The following FSIP2 variants were observed in gnomAD, a reference collection of about 807,000 sequenced individuals.
The protein encoded by FSIP2 is fibrous sheath-interacting protein 2.
FSIP2 carries 367 observed loss-of-function variants against 510.5 expected under a neutral mutation model. The ratio of observed to expected loss-of-function variants is 0.72; its 90% CI spans 0.66 to 0.78. FSIP2 has a LOEUF of 0.78. Ranked by LOEUF, FSIP2 falls within the 30% of genes least tolerant of loss-of-function variation. The pLI, the probability that FSIP2 is intolerant of heterozygous loss-of-function variation, is 0.00. For synonymous variants in FSIP2, 2,601 were observed against 2,732.2 expected, an observed-to-expected ratio of 0.95 and a Z score of 1.50; for missense variants, 7,594 against 7,901.7, an observed-to-expected ratio of 0.96 and a Z score of 1.48.
At chr2:185,752,331 T>C (rs561730536) in intron 7 of FSIP2, among the ~76,000 whole-genome samples, 1 of 151,226 alleles carries the variant, frequency 6.6e-6, no homozygotes, top group Non-Finnish European at 1.5e-5. Context: ...TGTAACATGA[T>C]TTGTTTTTCT....
At chr2:185,764,112 A>T (rs766394) in intron 12 of FSIP2, among the ~76,000 whole-genome samples, 250 of 151,780 alleles carry the variant, frequency 1.6e-3, no homozygotes, top group African/African-American at 5.7e-3. Flanking sequence ...CTTTAAAAAC[A>T]GTGTCTAAAT....
Position 185,789,174 on chromosome 2 carries a change from G to A in FSIP2, c.2038G>A (p.Ala680Thr). 1 of 1,534,670 alleles carries A rather than the reference G, an allele frequency of 6.5e-7. No homozygotes were observed. ...LGSSLHCDKT[A>T]KAMDEMKNLK... is the part of the protein sequence containing the mutation. ...GAGTTCATTGCATTGTGATAAAACA[G>A]CAAAAGCCATGGATGAAATGAAGAA... Residue 680 changes from alanine to threonine, a missense_variant, in exon 16 of 23, where the codon GCA becomes ACA. Physicochemically the swap from Ala to Thr is moderately conservative, Grantham distance 58 (BLOSUM62 0). Transcript: ENST00000424728.
In FSIP2 at chr2:185,808,976, A is replaced by T; in HGVS notation, c.19670A>T (p.Glu6557Val). ...CAACCTCTTGAGAAACTTAAGCAGGAGTGTTTGAAAAGAACTGGACATAGC... is the reference window on the plus strand; with the variant it reads ...CAACCTCTTGAGAAACTTAAGCAGGTGTGTTTGAAAAGAACTGGACATAGC... ...KTQPLEKLKQ[E>V]CLKRTGHSIA... is the part of the protein sequence containing the mutation. The change falls in exon 17 of 23, where the codon GAG becomes GTG. Residue 6557 changes from glutamate (E) to valine (V), a missense_variant. Transcript: ENST00000424728. 2 of 1,612,016 alleles carry T rather than the reference A, an allele frequency of 1.2e-6. No homozygotes were observed. Among genetic ancestry groups the T allele is most frequent in the Non-Finnish European group, 1.7e-6 (2 of 1,179,292 alleles).
rs1385266130 is a variant in FSIP2 at position 185,806,313 on chromosome 2, A to C, written c.17007A>C (p.Glu5669Asp). ...DSPTQTCRDE[E>D]HHSDYEHVQN... ...CAACACAAACGTGTAGGGATGAGGAACACCACTCAGATTATGAACATGTTC... is the reference window on the plus strand; with the variant it reads ...CAACACAAACGTGTAGGGATGAGGACCACCACTCAGATTATGAACATGTTC... The change falls in exon 17 of 23, where the codon GAA becomes GAC. Residue 5669 changes from glutamate to aspartate, a missense_variant. Physicochemically the swap from Glu to Asp is conservative, Grantham distance 45. Transcript: ENST00000424728. 1.9e-6 allele frequency: 3 copies of C among 1,608,648 alleles called. No individual in the cohort carries two copies. The highest frequency in any genetic ancestry group is 2.2e-5 in the East Asian group (1 of 44,670).
At chr2:185,828,036 C>T (rs1178641744) in intron 20 of FSIP2, 120 bp from the exon 21 acceptor site, 12 of 597,466 alleles carry the variant, frequency 2.0e-5, no homozygotes, top group Admixed American at 1.9e-4. Context: ...ACAACTTCTT[C>T]GACCTGCCTA....
Position 185,791,870 on chromosome 2 carries a change from A to C in FSIP2, c.4734A>C (p.Leu1578=), listed in dbSNP as rs1676847974. 1 of 1,533,946 alleles carries C rather than the reference A, an allele frequency of 6.5e-7. No homozygotes were observed. Among genetic ancestry groups the C allele is most frequent in the South Asian group, 1.2e-5 (1 of 83,922 alleles). ...PSTKEMHPNK[L]KAVASDILNM... ...CAAAAGAAATGCATCCAAATAAACT[A>C]AAAGCTGTAGCTTCAGATATTCTTA... The change falls in exon 16 of 23, where the codon CTA becomes CTC. Residue 1578 remains leucine, a synonymous_variant. Transcript: ENST00000424728.
intron 13 of FSIP2, among the ~76,000 whole-genome samples, chr2:185,780,451 T>C (rs928429587): frequency 2.6e-5 from 4 of 151,744 alleles, no homozygotes; most frequent in Admixed American, 1.3e-4. Context: ...CATAAATTAA[T>C]TGCTTTGTAA....
rs750750685 is a variant in FSIP2, at chr2:185,809,095, T to C, written c.19789T>C (p.Leu6597=). The stretch of plus-strand genomic sequence containing the variant: ...GAGAAAGACAGAAAGACGTACCTCA[T>C]TGGATAAGACTGGAAGACTGGATGT... ...EKRKTERRTS[L]DKTGRLDVKP... is the part of the protein sequence containing the mutation. The change falls in exon 17 of 23, where the codon TTG becomes CTG. Residue 6597 remains leucine, a synonymous_variant. Coordinates refer to ENST00000424728, the MANE Select transcript of FSIP2 (RefSeq NM_173651.4). 1.4e-5 allele frequency: 23 copies of C among 1,594,704 alleles called. No homozygotes were observed. Among genetic ancestry groups the C allele is most frequent in the East Asian group, 2.2e-5 (1 of 44,626 alleles).
intron 7 of FSIP2, among the ~76,000 whole-genome samples, chr2:185,747,966 G>A (rs1559009993): frequency 1.3e-5 from 2 of 151,354 alleles, no homozygotes; most frequent in Non-Finnish European, 3.0e-5. Context: ...TCTGTAGGCT[G>A]TTTTTTTCAT....
intron 19 of FSIP2, among the ~76,000 whole-genome samples, chr2:185,820,857 C>A (rs967276539): frequency 6.6e-6 from 1 of 150,802 alleles, no homozygotes. Flanking sequence ...TAAGAAAGAT[C>A]TTATACCAAC....
intron 13 of FSIP2, among the ~76,000 whole-genome samples, chr2:185,779,110 TTTTGC>T (rs1022365559): frequency 6.6e-6 from 1 of 152,036 alleles, no homozygotes; most frequent in African/African-American, 2.4e-5. Flanking sequence ...TACAGCTGGA[TTTTGC>T]TTTATTTTTA....
chr2:185,767,523 A>G (rs1372600188), intron 13 of FSIP2, among the ~76,000 whole-genome samples: 2 of 152,074 alleles, frequency 1.3e-5, no homozygotes, highest in Non-Finnish European at 2.9e-5. Flanking sequence ...TATAACACAT[A>G]TAAATCATGC....
chr2:185,789,709 C>G lies in FSIP2; in HGVS notation c.2573C>G (p.Thr858Arg), dbSNP rs1199710687. The G allele has an allele frequency of 6.5e-7, 1 of 1,534,348 alleles. No individual in the cohort carries two copies. Among genetic ancestry groups the G allele is most frequent in the South Asian group, 1.2e-5 (1 of 84,012 alleles). ...AAGCTTTCCTGCCAGCAACATAAGA[C>G]AGACCCAATATGTATGTTCCTTCAA... ...TNKLSCQQHK[T>R]DPICMFLQRA... is the part of the protein sequence containing the mutation. The change falls in exon 16 of 23, where the codon ACA (threonine) becomes AGA (arginine). Residue 858 changes from threonine to arginine, a missense_variant. Transcript: ENST00000424728.
chr2:185,744,490 A>G, intron 4 of FSIP2, 79 bp downstream of exon 4: 1 of 295,800 alleles, frequency 3.4e-6, no homozygotes, highest in Non-Finnish European at 6.2e-6. Flanking sequence ...TGTTCTTCTA[A>G]TAATATTTTG....
chr2:185,785,145 A>C (rs1475509268), intron 14 of FSIP2, among the ~76,000 whole-genome samples: 1 of 152,110 alleles, frequency 6.6e-6, no homozygotes, highest in Non-Finnish European at 1.5e-5. Flanking sequence ...ATCTGAATGC[A>C]TTAGGTTGCA....
chr2:185,813,446 C>G, intron 17 of FSIP2, 99 bp from the exon 18 acceptor site: 1 of 639,980 alleles, frequency 1.6e-6, no homozygotes, highest in African/African-American at 1.9e-5. Context: ...TTACTTAAAT[C>G]AAAACTAGAA....
chr2:185,744,409 C>A lies in FSIP2; in HGVS notation c.475C>A (p.Gln159Lys). The A allele has an allele frequency of 1.1e-6, 1 of 908,244 alleles. No individual in the cohort carries two copies. Among genetic ancestry groups the A allele is most frequent in the South Asian group, 2.4e-5 (1 of 42,302 alleles). The allele number at this position is 908,244 out of a possible 1,614,324, so 56.3% of individuals were successfully genotyped here. A position where few individuals can be genotyped will look rare whatever the true frequency, so the allele number is the denominator to read the frequency against. ...LDFERNYIKEQRILAKQLHNI... is the reference protein window; with the variant it reads ...LDFERNYIKEKRILAKQLHNI... ...CTTTGAGAGAAACTATATAAAAGAA[C>A]AAGTAAGTTAAATACTTAAATTTGG... Residue 159 changes from glutamine to lysine, a missense_variant and splice_region_variant, in exon 4 of 23, where the codon CAA becomes AAA. Transcript: ENST00000424728.
At chr2:185,820,758 G>A (rs1411021891) in intron 19 of FSIP2, among the ~76,000 whole-genome samples, 1 of 150,808 alleles carries the variant, frequency 6.6e-6, no homozygotes, top group African/African-American at 2.4e-5. Flanking sequence ...AAATAATGAG[G>A]GAACTTACCA....
In FSIP2 at chr2:185,800,021, A is replaced by T; in HGVS notation, c.10715A>T (p.Lys3572Ile). 1 of 1,520,824 alleles carries T rather than the reference A, an allele frequency of 6.6e-7. No homozygotes were observed. The highest frequency in any genetic ancestry group is 8.8e-7 in the Non-Finnish European group (1 of 1,137,814). The allele number at this position is 1,520,824 out of a possible 1,614,324, so 94.2% of individuals were successfully genotyped here. Residue 3572 changes from lysine to isoleucine, a missense_variant, in exon 17 of 23, where the codon AAA becomes ATA. Lys to Ile is a moderately radical substitution (Grantham distance 102). Transcript: ENST00000424728. ...ATTATTAAAATTCTTTTTAATAATA[A>T]AATTATACAGGCTGACATTGCACAG... ...EIIIKILFNN[K>I]IIQADIAQKM...
Sources: gnomAD v4.1 joint callset for allele counts (sites outside exome capture counted in the v4.1 genomes callset) on GRCh38, gnomAD v4.1.1 for gene constraint, MANE v1.5 for transcripts, NCBI Gene and HGNC (gene_info 2026-07-23, HGNC 2026-07-21) for gene names.